PTPRO: variants seen among roughly 807,000 people sequenced by gnomAD.
PTPRO encodes the protein protein tyrosine phosphatase receptor type O, also known as receptor-type tyrosine-protein phosphatase O.
In PTPRO, 62 loss-of-function variants were observed where a neutral mutation model predicts 145.2. The ratio of observed to expected loss-of-function variants is 0.43; its 90% CI spans 0.35 to 0.53. PTPRO has a LOEUF of 0.53. Among genes scored for constraint, PTPRO ranks in the 20% least tolerant of loss-of-function variants. The probability of loss-of-function intolerance (pLI) is 0.01; values close to 1 mark genes in which losing one functional copy is unlikely to be tolerated. For missense variants in PTPRO, 1,345 were observed against 1,482.7 expected (o/e 0.91, Z 1.53); for synonymous variants, 565 against 514.7 (o/e 1.10, Z -1.32).
In PTPRO at chr12:15,556,779, T is replaced by A. The variant is rs118057818; in HGVS notation, c.2559-676T>A. On this transcript the variant is annotated intron_variant, in intron 15 of 26. Transcript: ENST00000281171. ...TTGCTAAAGATGGAAAATGCTCAGT[T>A]CATCTAGGAGAGTTTCTATGTTACT... 7.8e-3 allele frequency among the ~76,000 whole-genome samples: 1,193 copies of A among 152,302 alleles called. 5 individuals carry two copies. Among genetic ancestry groups the A allele is most frequent in the Non-Finnish European group, 0.014 (933 of 68,020 alleles).
intron 1 of PTPRO, among the ~76,000 whole-genome samples, chr12:15,414,230 A>G (rs1474842411): frequency 6.6e-6 from 1 of 152,232 alleles, no homozygotes; most frequent in Admixed American, 6.5e-5. Context: ...TGAATCACAT[A>G]TGAACAACGT....
intron 17 of PTPRO, among the ~76,000 whole-genome samples, chr12:15,562,761 C>A (rs1179936112): frequency 6.8e-6 from 1 of 147,586 alleles, no homozygotes; most frequent in East Asian, 2.0e-4. Context: ...TTTTTTACTG[C>A]CATAATGACC....
Position 15,520,215 on chromosome 12 carries a change from G to C in PTPRO, c.1794G>C (p.Leu598=). 3 of 1,613,418 alleles carry C rather than the reference G, an allele frequency of 1.9e-6. No homozygotes were observed. Among genetic ancestry groups the C allele is most frequent in the Non-Finnish European group, 2.5e-6 (3 of 1,179,462 alleles). Residue 598 remains leucine (L), a synonymous_variant, in exon 10 of 27, where the codon CTG becomes CTC. Coordinates refer to ENST00000281171, the MANE Select transcript of PTPRO (RefSeq NM_030667.3). ...SLTASVRIAN[L]LPAWYYNFRV... is the part of the protein sequence containing the mutation. ...TTCTCATTCAGAGAATAGCTAATCT[G>C]CTGCCAGCATGGTACTACAACTTCC...
rs1466836368 is a variant in PTPRO at position 15,360,889 on chromosome 12, T to C, written c.75+38088T>C. ...ATGTGTGTATATACACACATACACA[T>C]GTGTATATACACACACATATATACA... is the stretch of plus-strand genomic sequence containing the variant. On this transcript the variant is annotated intron_variant, in intron 1 of 26. Transcript: ENST00000281171. 5.6e-4 allele frequency among the ~76,000 whole-genome samples: 56 copies of C among 99,818 alleles called. 4 individuals carry two copies. The highest frequency in any genetic ancestry group is 1.6e-3 in the African/African-American group (48 of 29,420). 65.5% of individuals were successfully genotyped at this position (99,818 alleles called of 152,430 possible).
chr12:15,557,794 C>T (rs986452923), intron 16 of PTPRO, among the ~76,000 whole-genome samples: 5 of 152,112 alleles, frequency 3.3e-5, no homozygotes, highest in African/African-American at 1.2e-4. Flanking sequence ...GAGCCCATAC[C>T]TGTGCTGAAA....
At chr12:15,401,729 C>T (rs1038670506) in intron 1 of PTPRO, among the ~76,000 whole-genome samples, 1 of 152,176 alleles carries the variant, frequency 6.6e-6, no homozygotes, top group Non-Finnish European at 1.5e-5. Flanking sequence ...CATGGCTGGT[C>T]TGGCTTAGAC....
At chr12:15,495,442 A>C (rs1482813800) in intron 2 of PTPRO, among the ~76,000 whole-genome samples, 1 of 150,642 alleles carries the variant, frequency 6.6e-6, no homozygotes, top group Non-Finnish European at 1.5e-5. Context: ...TGGAGTTCTC[A>C]TGTTATTGAA....
intron 1 of PTPRO, among the ~76,000 whole-genome samples, chr12:15,424,478 T>C (rs1345593774): frequency 6.6e-6 from 1 of 152,096 alleles, no homozygotes; most frequent in East Asian, 1.9e-4. Flanking sequence ...TTATTAAGTC[T>C]CTGCTATGTG....
chr12:15,407,090 T>C (rs1939668202), intron 1 of PTPRO, among the ~76,000 whole-genome samples: 1 of 152,226 alleles, frequency 6.6e-6, no homozygotes, highest in African/African-American at 2.4e-5. Context: ...CTTGAGCTTT[T>C]GGATCACAGA....
chr12:15,501,588 A>T (rs527633542), intron 4 of PTPRO, 32 bp from the exon 5 acceptor site: 43 of 1,569,624 alleles, frequency 2.7e-5, no homozygotes, highest in Non-Finnish European at 3.5e-5. Context: ...GAATTAAAAA[A>T]TACTTGAAAA....
intron 26 of PTPRO, chr12:15,595,399 T>C: frequency 3.3e-6 from 1 of 301,212 alleles, no homozygotes; most frequent in Non-Finnish European, 6.5e-6. Context: ...TATCTAGATA[T>C]CTTGTGCAAA....
chr12:15,510,821 A>G (rs1565673828), intron 7 of PTPRO, among the ~76,000 whole-genome samples: 1 of 152,104 alleles, frequency 6.6e-6, no homozygotes, highest in Non-Finnish European at 1.5e-5. Flanking sequence ...AAATAAGACC[A>G]TCTCAGGCTC....
At chr12:15,564,938 A>C (rs1206131202) in intron 17 of PTPRO, among the ~76,000 whole-genome samples, 1 of 152,198 alleles carries the variant, frequency 6.6e-6, no homozygotes. Flanking sequence ...ATTATCTCCT[A>C]AACAAATGTA....
chr12:15,424,302 G>A (rs753635009), intron 1 of PTPRO, among the ~76,000 whole-genome samples: 2 of 152,014 alleles, frequency 1.3e-5, no homozygotes, highest in Non-Finnish European at 2.9e-5. Flanking sequence ...TTTTTAAACA[G>A]CATTTGATTG....
intron 12 of PTPRO, among the ~76,000 whole-genome samples, chr12:15,536,669 C>T (rs960560045): frequency 1.2e-4 from 18 of 152,256 alleles, no homozygotes; most frequent in Admixed American, 1.0e-3. Context: ...TTGTTCAGGG[C>T]AAGGATAAGA....
intron 1 of PTPRO, among the ~76,000 whole-genome samples, chr12:15,350,447 T>G (rs1183960682): frequency 6.6e-6 from 1 of 152,210 alleles, no homozygotes; most frequent in Non-Finnish European, 1.5e-5. Context: ...CTTCCCACCC[T>G]ACCCCCCAAT....
intron 1 of PTPRO, among the ~76,000 whole-genome samples, chr12:15,333,808 T>C (rs769285798): frequency 1.3e-5 from 2 of 152,140 alleles, no homozygotes; most frequent in Non-Finnish European, 2.9e-5. Flanking sequence ...CTTTTTTTTC[T>C]CTTTATTTTA....
chr12:15,566,301 T>C (rs1292578831), intron 18 of PTPRO, among the ~76,000 whole-genome samples: 2 of 152,132 alleles, frequency 1.3e-5, no homozygotes, highest in African/African-American at 2.4e-5. Context: ...GATAGAACAT[T>C]GGTGAATTAG....
At chr12:15,569,352 A>G in intron 18 of PTPRO, 65 bp from the exon 19 acceptor site, 6 of 1,321,316 alleles carry the variant, frequency 4.5e-6, no homozygotes, top group Non-Finnish European at 6.5e-6. Context: ...ATGATATTAA[A>G]CAATATATAA....
Sources: gnomAD v4.1 joint callset for allele counts (sites outside exome capture counted in the v4.1 genomes callset) on GRCh38, gnomAD v4.1.1 for gene constraint, MANE v1.5 for transcripts, NCBI Gene and HGNC (gene_info 2026-07-23, HGNC 2026-07-21) for gene names.